RAB11FIP2: variants seen among roughly 807,000 people sequenced by gnomAD.
RAB11FIP2 encodes the protein rab11 family-interacting protein 2.
A neutral mutation model predicts 40.9 loss-of-function variants in RAB11FIP2; 16 were observed. The ratio of observed to expected loss-of-function variants is 0.39; its 90% CI spans 0.26 to 0.59. The LOEUF (loss-of-function observed/expected upper bound fraction) is 0.59. Ranked by LOEUF, RAB11FIP2 falls within the 20% of genes least tolerant of loss-of-function variation. The pLI, the probability that RAB11FIP2 is intolerant of heterozygous loss-of-function variation, is 0.53. For missense variants in RAB11FIP2, 532 were observed against 606.2 expected, an observed-to-expected ratio of 0.88 and a Z score of 1.28; for synonymous variants, 228 against 213.7, an observed-to-expected ratio of 1.07 and a Z score of -0.58.
At chr10:118,016,143 C>T (rs1167967542) in intron 3 of RAB11FIP2, among the ~76,000 whole-genome samples, 1 of 152,190 alleles carries the variant, frequency 6.6e-6, no homozygotes, top group African/African-American at 2.4e-5. Flanking sequence ...TGTACAACCA[C>T]CTCCAGAGAG....
intron 3 of RAB11FIP2, among the ~76,000 whole-genome samples, chr10:118,024,142 A>G (rs561235613): frequency 3.3e-5 from 5 of 152,098 alleles, no homozygotes; most frequent in Admixed American, 3.3e-4. Flanking sequence ...AAGACAGTCA[A>G]ACAACCCACA....
intron 1 of RAB11FIP2, among the ~76,000 whole-genome samples, chr10:118,043,857 C>G (rs1222688971): frequency 6.6e-6 from 1 of 152,098 alleles, no homozygotes; most frequent in East Asian, 1.9e-4. Flanking sequence ...ACAGGTACAG[C>G]TGTGCTAGAA....
intron 3 of RAB11FIP2, among the ~76,000 whole-genome samples, chr10:118,033,152 C>G (rs1459428087): frequency 6.6e-6 from 1 of 151,984 alleles, no homozygotes; most frequent in Non-Finnish European, 1.5e-5. Flanking sequence ...TGGAATGTAT[C>G]CCCATAGAGT....
At chr10:118,014,076 A>G (rs1846188140) in intron 4 of RAB11FIP2, among the ~76,000 whole-genome samples, 1 of 152,134 alleles carries the variant, frequency 6.6e-6, no homozygotes, top group South Asian at 2.1e-4. Context: ...AAACAGCAAA[A>G]ACACAGTACA....
intron 2 of RAB11FIP2, 24 bp from the exon 3 acceptor site, chr10:118,039,464 A>G: frequency 6.4e-7 from 1 of 1,569,622 alleles, no homozygotes; most frequent in East Asian, 2.2e-5. Flanking sequence ...TGTAGTTAGT[A>G]CATAATCAGT....
At chr10:118,012,528 CATAT>C (rs148960599) in intron 4 of RAB11FIP2, among the ~76,000 whole-genome samples, 1 of 150,430 alleles carries the variant, frequency 6.6e-6, no homozygotes, top group African/African-American at 2.4e-5. Flanking sequence ...ATATACTCCA[CATAT>C]ATATATATAT....
rs1300599756 is a variant in RAB11FIP2 at position 118,008,260 on chromosome 10, T to C, written c.*738A>G. The C allele has an allele frequency of 1.3e-5, 2 of 152,192 alleles. No individual in the cohort carries two copies. The highest frequency in any genetic ancestry group is 2.9e-5 in the Non-Finnish European group (2 of 67,996). 9.4% of individuals were successfully genotyped at this position (152,192 alleles called of 1,614,324 possible). On this transcript the variant is annotated 3_prime_UTR_variant, in exon 5 of 5. Coordinates refer to ENST00000355624, the MANE Select transcript of RAB11FIP2 (RefSeq NM_014904.3). Reference sequence around the variant, plus strand: ...ATCACTTTTGGGGAAAGAGAAAAACTTTGATGCTAGAATAATATATAGCAG... The same window carrying C: ...ATCACTTTTGGGGAAAGAGAAAAACCTTGATGCTAGAATAATATATAGCAG...
chr10:118,014,541 C>T (rs1846193780), intron 4 of RAB11FIP2, among the ~76,000 whole-genome samples: 1 of 151,944 alleles, frequency 6.6e-6, no homozygotes, highest in African/African-American at 2.4e-5. Flanking sequence ...TGGTCGCTAC[C>T]AATCCTGTTA....
At chr10:118,033,698 TACA>T (rs1304643591) in intron 3 of RAB11FIP2, among the ~76,000 whole-genome samples, 1 of 152,042 alleles carries the variant, frequency 6.6e-6, no homozygotes, top group Non-Finnish European at 1.5e-5. Flanking sequence ...AAGCCTAAAA[TACA>T]ACAAGCCTTA....
chr10:118,009,664 T>TTA (rs1846133241), intron 4 of RAB11FIP2, among the ~76,000 whole-genome samples: 1 of 152,156 alleles, frequency 6.6e-6, no homozygotes, highest in African/African-American at 2.4e-5. Context: ...TGATTTAATG[T>TTA]TATATGTTTG....
intron 3 of RAB11FIP2, among the ~76,000 whole-genome samples, chr10:118,036,907 C>T (rs781580808): frequency 8.5e-5 from 13 of 152,124 alleles, no homozygotes; most frequent in East Asian, 1.9e-4. Context: ...TAACAGCCCA[C>T]ATAAACAACT....
intron 4 of RAB11FIP2, among the ~76,000 whole-genome samples, chr10:118,010,779 A>T (rs150716179): frequency 6.6e-6 from 1 of 152,190 alleles, no homozygotes; most frequent in East Asian, 1.9e-4. Flanking sequence ...GAAATGCGTA[A>T]TGGGGCATTT....
rs781449371 is a variant in RAB11FIP2 at position 118,039,473 on chromosome 10, G to A, written c.797-33C>T. 7 of 1,537,190 alleles carry A rather than the reference G, an allele frequency of 4.6e-6. No individual in the cohort carries two copies. The East Asian group carries it at 1.6e-4, about 35-fold the overall frequency. ...CAATTTTGTAGTTAGTACATAATCA[G>A]TGACACATTACATCACACTATTTGA... On this transcript the variant is annotated intron_variant, in intron 2 of 4. Coordinates refer to ENST00000355624, the MANE Select transcript of RAB11FIP2 (RefSeq NM_014904.3).
At chr10:118,024,327 C>T (rs551169209) in intron 3 of RAB11FIP2, among the ~76,000 whole-genome samples, 64 of 152,096 alleles carry the variant, frequency 4.2e-4, no homozygotes, top group African/African-American at 1.5e-3. Flanking sequence ...CTAATATAAT[C>T]ATGTGTCTCT....
chr10:118,013,269 C>T (rs1232304769), intron 4 of RAB11FIP2, among the ~76,000 whole-genome samples: 2 of 151,918 alleles, frequency 1.3e-5, no homozygotes, highest in Admixed American at 6.6e-5. Context: ...CATTATTGTT[C>T]TAATGAGGAA....
intron 1 of RAB11FIP2, among the ~76,000 whole-genome samples, chr10:118,043,013 C>T (rs1846579666): frequency 6.6e-6 from 1 of 152,110 alleles, no homozygotes; most frequent in Non-Finnish European, 1.5e-5. Context: ...AACGAAGACA[C>T]AGCATTTGGA....
intron 4 of RAB11FIP2, among the ~76,000 whole-genome samples, 199 bp downstream of exon 4, chr10:118,014,866 T>C (rs886455882): frequency 6.6e-6 from 1 of 152,216 alleles, no homozygotes; most frequent in Non-Finnish European, 1.5e-5. Flanking sequence ...TCATAGATCA[T>C]ACGAGTCACA....
In RAB11FIP2 at chr10:118,023,196, C is replaced by T. The variant is rs1284988586; in HGVS notation, c.1266-8086G>A. 8.5e-5 allele frequency among the ~76,000 whole-genome samples: 13 copies of T among 152,186 alleles called. No individual in the cohort carries two copies. In the East Asian group the frequency reaches 2.1e-3, roughly 25 times the overall value. On this transcript the variant is annotated intron_variant, in intron 3 of 4. Coordinates refer to ENST00000355624, the MANE Select transcript of RAB11FIP2 (RefSeq NM_014904.3). ...AGATTTTTCTGGTAAATCCTGAAAA[C>T]GTTTATTCCACAGAGGTTACATGTT... is the stretch of plus-strand genomic sequence containing the variant.
rs1166483377 is a variant in RAB11FIP2, at chr10:118,008,159, T to G, written c.*839A>C. 6.6e-6 allele frequency: 1 copy of G among 152,280 alleles called. No homozygotes were observed. The highest frequency in any genetic ancestry group is 2.4e-5 in the African/African-American group (1 of 41,454). 9.4% of individuals were successfully genotyped at this position (152,280 alleles called of 1,614,324 possible). A position where few individuals can be genotyped will look rare whatever the true frequency, so the allele number is the denominator to read the frequency against. The stretch of plus-strand genomic sequence containing the variant: ...TAAACAAACTCAAATGTTAATTAAT[T>G]CAAATAAATTCATGCTGTTATGAAG... On this transcript the variant is annotated 3_prime_UTR_variant, in exon 5 of 5. Coordinates refer to ENST00000355624, the MANE Select transcript of RAB11FIP2 (RefSeq NM_014904.3).
Sources: gnomAD v4.1 joint callset for allele counts (sites outside exome capture counted in the v4.1 genomes callset) on GRCh38, gnomAD v4.1.1 for gene constraint, MANE v1.5 for transcripts, NCBI Gene and HGNC (gene_info 2026-07-23, HGNC 2026-07-21) for gene names.